MIA: variants seen among roughly 807,000 people sequenced by gnomAD.
MIA encodes the protein MIA SH3 domain containing.
In MIA, 18 loss-of-function variants were observed where a neutral mutation model predicts 18.5. That is an observed-to-expected ratio of 0.97 (90% CI 0.67 to 1.44). The LOEUF is 1.44. MIA is among the 40% of genes most tolerant of loss of function. MIA has a pLI of 0.00. For synonymous variants in MIA, 55 were observed against 64.9 expected, an observed-to-expected ratio of 0.85 and a Z score of 0.74; for missense variants, 158 against 172.4, an observed-to-expected ratio of 0.92 and a Z score of 0.47.
Position 40,777,301 on chromosome 19 carries a change from C to G in MIA, c.373-96C>G, listed in dbSNP as rs2083004947. ...TTGCATAGCACTTGTGTGGCCAGAC[C>G]TGGGCCCTGCAGCTGCAGCCTTTGC... On this transcript the variant is annotated intron_variant, in intron 3 of 3. Coordinates refer to ENST00000263369, the MANE Select transcript of MIA (RefSeq NM_006533.4). The G allele has an allele frequency of 4.1e-6, 6 of 1,450,112 alleles. No individual in the cohort carries two copies. In the Admixed American group the frequency reaches 8.4e-5, roughly 20 times the overall value. The allele number at this position is 1,450,112 out of a possible 1,614,324, so 89.8% of individuals were successfully genotyped here. A position where few individuals can be genotyped will look rare whatever the true frequency, so the allele number is the denominator to read the frequency against.
At position 40,775,534 on chromosome 19, in the gene MIA, C is replaced by G; in HGVS notation, c.-9C>G. 1 of 1,614,010 alleles carries G rather than the reference C, an allele frequency of 6.2e-7. No homozygotes were observed. Among genetic ancestry groups the G allele is most frequent in the Non-Finnish European group, 8.5e-7 (1 of 1,180,008 alleles). ...ACCCCCTTGCTCACTCTCTTGCTCACAGTCCACGATGGCCCGGTCCCTGGT... is the reference window on the plus strand; with the variant it reads ...ACCCCCTTGCTCACTCTCTTGCTCAGAGTCCACGATGGCCCGGTCCCTGGT... On this transcript the variant is annotated 5_prime_UTR_variant, in exon 1 of 4. Coordinates refer to ENST00000263369, the MANE Select transcript of MIA (RefSeq NM_006533.4).
At chr19:40,775,517 G>A, upstream of MIA, 1 of 1,613,592 alleles carries the variant, frequency 6.2e-7, no homozygotes. Context: ...GCACCCCCTT[G>A]CTCACTCTCT....
At chr19:40,775,942 C>A in intron 2 of MIA, 57 bp downstream of exon 2, 1 of 1,581,356 alleles carries the variant, frequency 6.3e-7, no homozygotes, top group South Asian at 1.1e-5. Context: ...GACTCATTAT[C>A]CCCATGAAGG....
At chr19:40,776,735 C>CAAT (rs1491535824) in intron 2 of MIA, 4 of 401,412 alleles carry the variant, frequency 1.0e-5, no homozygotes, top group Non-Finnish European at 1.8e-5. Flanking sequence ...CAATGAGACC[C>CAAT]TGTTTCCAAA....
chr19:40,775,520 C>T, upstream of MIA: 2 of 1,613,582 alleles, frequency 1.2e-6, no homozygotes, highest in Non-Finnish European at 1.7e-6. Context: ...CCCCCTTGCT[C>T]ACTCTCTTGC....
Position 40,777,452 on chromosome 19 carries a change from C to G in MIA, c.*32C>G, listed in dbSNP as rs528544493. On this transcript the variant is annotated 3_prime_UTR_variant, in exon 4 of 4. Transcript: ENST00000263369. ...CCTACCGCTGGCCCTGCCGTTTCCC[C>G]TCCTTGGCTTTATGCAAATACAATC... The G allele has an allele frequency of 4.8e-5, 77 of 1,609,294 alleles. No homozygotes were observed. In the East Asian group the frequency reaches 1.5e-3, roughly 32 times the overall value.
chr19:40,776,680 T>G (rs929868290), intron 2 of MIA: 2 of 244,676 alleles, frequency 8.2e-6, no homozygotes, highest in South Asian at 1.2e-4. Context: ...AAGTTGAGGC[T>G]GCAGTGAGCC....
intron 3 of MIA, 114 bp downstream of exon 3, chr19:40,777,193 G>C: frequency 8.9e-7 from 1 of 1,129,742 alleles, no homozygotes. Flanking sequence ...TGCGCTGGGA[G>C]AAATTCTTTC....
At chr19:40,775,456 A>G, upstream of MIA, 1 of 1,593,858 alleles carries the variant, frequency 6.3e-7, no homozygotes. Context: ...CCAAGAACAC[A>G]AGTTTCCTTG....
rs371769033 is a variant in MIA, at chr19:40,775,549, C to T, written c.7C>T (p.Arg3Trp). MA[R>W]SLVCLGVIIL... ...CTCTTGCTCACAGTCCACGATGGCC[C>T]GGTCCCTGGTGTGCCTTGGTGTCAT... Residue 3 changes from arginine (R) to tryptophan (W), a missense_variant, in exon 1 of 4, where the codon CGG (arginine) becomes TGG (tryptophan). By Grantham distance (101) the Arg-to-Trp change is moderately radical (BLOSUM62 -3). Transcript: ENST00000263369. The T allele has an allele frequency of 6.5e-5, 105 of 1,614,100 alleles. No homozygotes were observed. The East Asian group carries it at 1.2e-3, about 18-fold the overall frequency.
At chr19:40,776,825 G>C in intron 2 of MIA, 144 bp from the exon 3 acceptor site, 1 of 606,624 alleles carries the variant, frequency 1.6e-6, no homozygotes, top group East Asian at 2.8e-5. Flanking sequence ...AAGGGCCTCT[G>C]AACAGGTGGC....
chr19:40,777,033 G>T lies in MIA; in HGVS notation c.326G>T (p.Arg109Leu). 1 of 1,613,548 alleles carries T rather than the reference G, an allele frequency of 6.2e-7. No individual in the cohort carries two copies. The highest frequency in any genetic ancestry group is 8.5e-7 in the Non-Finnish European group (1 of 1,179,918). ...GGCTATTTCCCCAGTAGCATTGTCC[G>T]AGAGGACCAGACCCTGAAACCTGGC... is the stretch of plus-strand genomic sequence containing the variant. Reference protein sequence around the residue: ...RLGYFPSSIVREDQTLKPGKV... With the variant: ...RLGYFPSSIVLEDQTLKPGKV... The change falls in exon 3 of 4, where the codon CGA becomes CTA. Residue 109 changes from arginine (R) to leucine (L), a missense_variant. Physicochemically the swap from Arg to Leu is moderately radical, Grantham distance 102 (BLOSUM62 -2). Transcript: ENST00000263369.
intron 2 of MIA, among the ~76,000 whole-genome samples, 169 bp downstream of exon 2, chr19:40,776,054 T>G (rs2082993909): frequency 1.3e-5 from 2 of 152,196 alleles, no homozygotes; most frequent in South Asian, 4.1e-4. Flanking sequence ...CGAGACAGAG[T>G]CTTGCTCTGT....
In MIA at chr19:40,776,990, G is replaced by A; in HGVS notation, c.283G>A (p.Asp95Asn). 1.9e-6 allele frequency: 3 copies of A among 1,613,696 alleles called. No homozygotes were observed. Among genetic ancestry groups the A allele is most frequent in the Non-Finnish European group, 2.5e-6 (3 of 1,179,860 alleles). ...CCAGGTTCAGGGAGATTACTATGGAGATCTGGCTGCTCGCCTGGGCTATTT... is the reference window on the plus strand; with the variant it reads ...CCAGGTTCAGGGAGATTACTATGGAAATCTGGCTGCTCGCCTGGGCTATTT... ...GGSVQGDYYG[D>N]LAARLGYFPS... Residue 95 changes from aspartate to asparagine, a missense_variant, in exon 3 of 4, where the codon GAT becomes AAT. Physicochemically the swap from Asp to Asn is conservative, Grantham distance 23. Transcript: ENST00000263369.
intron 2 of MIA, 42 bp from the exon 3 acceptor site, chr19:40,776,927 T>C: frequency 2.1e-6 from 3 of 1,432,298 alleles, no homozygotes; most frequent in Non-Finnish European, 2.9e-6. Flanking sequence ...GGCACAAGCT[T>C]GCCATCTTCC....
chr19:40,777,484 G>C lies in MIA; in HGVS notation c.*64G>C. 1 of 1,457,848 alleles carries C rather than the reference G, an allele frequency of 6.9e-7. No homozygotes were observed. Among genetic ancestry groups the C allele is most frequent in the Non-Finnish European group, 9.6e-7 (1 of 1,042,400 alleles). The allele number at this position is 1,457,848 out of a possible 1,614,324, so 90.3% of individuals were successfully genotyped here. On this transcript the variant is annotated 3_prime_UTR_variant, in exon 4 of 4. Transcript: ENST00000263369. ...GCTTTATGCAAATACAATCAGCCCA[G>C]TGCAAACGGCTCGTCTCCGTGGTCT...
In MIA at chr19:40,775,751, G is replaced by C; in HGVS notation, c.128-1G>C. 1 of 1,614,102 alleles carries C rather than the reference G, an allele frequency of 6.2e-7. No individual in the cohort carries two copies. The highest frequency in any genetic ancestry group is 1.1e-5 in the South Asian group (1 of 91,074). ...TGCATTCCCTTCTATTCCTTCCCTAGACCCTATCTCCATGGCTGTGGCCCT... is the reference window on the plus strand; with the variant it reads ...TGCATTCCCTTCTATTCCTTCCCTACACCCTATCTCCATGGCTGTGGCCCT... On this transcript the variant is annotated splice_acceptor_variant, in intron 1 of 3. Coordinates refer to ENST00000263369, the MANE Select transcript of MIA (RefSeq NM_006533.4). LOFTEE classifies it high-confidence loss of function.
chr19:40,775,442 A>G, upstream of MIA: 1 of 1,574,488 alleles, frequency 6.4e-7, no homozygotes, highest in Non-Finnish European at 8.7e-7. Flanking sequence ...GGGCGGGGAC[A>G]AGACCAAGAA....
At chr19:40,776,387 C>T (rs1047989237) in intron 2 of MIA, among the ~76,000 whole-genome samples, 3 of 151,930 alleles carry the variant, frequency 2.0e-5, no homozygotes, top group Admixed American at 1.3e-4. Flanking sequence ...TTCTAGACAC[C>T]AAGATACAAC....
Sources: gnomAD v4.1 joint callset for allele counts (sites outside exome capture counted in the v4.1 genomes callset) on GRCh38, gnomAD v4.1.1 for gene constraint, MANE v1.5 for transcripts, NCBI Gene and HGNC (gene_info 2026-07-23, HGNC 2026-07-21) for gene names.